Variants in FAM118A observed in about 807,000 individuals in gnomAD.
FAM118A encodes the protein protein FAM118A.
In FAM118A, 25 loss-of-function variants were observed where a neutral mutation model predicts 38.2. The observed-to-expected ratio is 0.65, with a 90% confidence interval of 0.48 to 0.91. The LOEUF is 0.91. FAM118A is among the 40% of genes least tolerant of loss of function. FAM118A has a pLI of 0.00. For missense variants in FAM118A, 425 were observed against 463.3 expected, an observed-to-expected ratio of 0.92 and a Z score of 0.76; for synonymous variants, 178 against 184.1, an observed-to-expected ratio of 0.97 and a Z score of 0.27.
rs530617031 is a variant in FAM118A, at chr22:45,339,729, C to T, written c.1055-657C>T. ...CGGGCGATTATTCTCAATAGATTGGCTTTCTTCTGCTGTTGCTGCTGTTGT... is the reference window on the plus strand; with the variant it reads ...CGGGCGATTATTCTCAATAGATTGGTTTTCTTCTGCTGTTGCTGCTGTTGT... On this transcript the variant is annotated intron_variant, in intron 8 of 8. Transcript: ENST00000441876. Among the ~76,000 whole-genome samples the T allele has an allele frequency of 2.0e-5, 3 of 152,318 alleles. No homozygotes were observed. In the South Asian group the frequency reaches 6.2e-4, roughly 32 times the overall value.
rs1602000203 is a variant in FAM118A at position 45,336,515 on chromosome 22, G to A, written c.1054+104G>A. The A allele has an allele frequency of 9.7e-6, 8 of 826,398 alleles. No homozygotes were observed. The East Asian group carries it at 2.1e-4, about 22-fold the overall frequency. The allele number at this position is 826,398 out of a possible 1,614,324, so 51.2% of individuals were successfully genotyped here. On this transcript the variant is annotated intron_variant, in intron 8 of 8. Coordinates refer to ENST00000441876, the MANE Select transcript of FAM118A (RefSeq NM_017911.4). Reference sequence around the variant, plus strand: ...TTTAATGCCCCGCGCCCTATGGTGGGAGGACGGTGCATACGTTCTGTCAGG... The same window carrying A: ...TTTAATGCCCCGCGCCCTATGGTGGAAGGACGGTGCATACGTTCTGTCAGG...
chr22:45,340,635 A>G lies in FAM118A; in HGVS notation c.*230A>G, dbSNP rs1036594305. On this transcript the variant is annotated 3_prime_UTR_variant, in exon 9 of 9. Coordinates refer to ENST00000441876, the MANE Select transcript of FAM118A (RefSeq NM_017911.4). ...CACATTTCAGGTGGACTTTGCAAGG[A>G]CTGATGGATAGCTACCTCAGGGACC... The G allele has an allele frequency of 1.7e-6, 1 of 571,840 alleles. No individual in the cohort carries two copies. The highest frequency in any genetic ancestry group is 3.1e-6 in the Non-Finnish European group (1 of 321,426). 35.4% of individuals were successfully genotyped at this position (571,840 alleles called of 1,614,324 possible). A position where few individuals can be genotyped will look rare whatever the true frequency, so the allele number is the denominator to read the frequency against.
chr22:45,330,624 C>T lies in FAM118A; in HGVS notation c.544C>T (p.His182Tyr), dbSNP rs1163311739. 4.4e-6 allele frequency: 7 copies of T among 1,585,340 alleles called. No homozygotes were observed. The highest frequency in any genetic ancestry group is 1.9e-5 in the Admixed American group (1 of 52,826). The stretch of plus-strand genomic sequence containing the variant: ...GTAGGTCCTTGAATGGGCAAGAGGG[C>T]ACATGAAGTACGGCGTCCTCCACAT... ...KTKVLEWARG[H>Y]MKYGVLHIHG... Residue 182 changes from histidine (H) to tyrosine (Y), a missense_variant, in exon 5 of 9, where the codon CAC becomes TAC. Transcript: ENST00000441876.
intron 3 of FAM118A, among the ~76,000 whole-genome samples, chr22:45,325,271 G>T (rs1206267059): frequency 6.6e-6 from 1 of 152,168 alleles, no homozygotes; most frequent in African/African-American, 2.4e-5. Flanking sequence ...TCACTTTTGC[G>T]TGTTTTTGAA....
chr22:45,330,800 G>T, intron 5 of FAM118A, 69 bp downstream of exon 5: 1 of 1,424,744 alleles, frequency 7.0e-7, no homozygotes. Flanking sequence ...GCCATTGGCT[G>T]CAGTTGAGTG....
intron 7 of FAM118A, 113 bp downstream of exon 7, chr22:45,335,495 G>A (rs11912640): frequency 0.016 from 19,258 of 1,227,334 alleles, 544 homozygotes; most frequent in African/African-American, 0.1. Context: ...TAATTAGCTT[G>A]TATTAAAACA....
intron 1 of FAM118A, among the ~76,000 whole-genome samples, chr22:45,311,187 A>G (rs1213239712): frequency 6.6e-6 from 1 of 152,154 alleles, no homozygotes; most frequent in African/African-American, 2.4e-5. Context: ...GTTGAGCTAG[A>G]GGAGAAGTTT....
At chr22:45,322,231 A>G (rs200139779) in intron 1 of FAM118A, 140 bp from the exon 2 acceptor site, 1 of 1,545,196 alleles carries the variant, frequency 6.5e-7, no homozygotes, top group Non-Finnish European at 8.7e-7. Flanking sequence ...TCATTTGCGT[A>G]TGACATTTTT....
chr22:45,336,032 A>G (rs8138606), intron 7 of FAM118A, among the ~76,000 whole-genome samples: 8,135 of 152,276 alleles, frequency 0.053, 781 homozygotes, highest in African/African-American at 0.19. Context: ...TCGATGTGGG[A>G]GCTGCTCGCC....
intron 8 of FAM118A, chr22:45,337,823 T>C: frequency 3.0e-6 from 3 of 985,304 alleles, no homozygotes; most frequent in South Asian, 4.7e-5. Context: ...CTGAGGGCCA[T>C]GTGTCTGCAG....
At chr22:45,315,532 A>G (rs1418386114) in intron 1 of FAM118A, among the ~76,000 whole-genome samples, 1 of 152,204 alleles carries the variant, frequency 6.6e-6, no homozygotes, top group Non-Finnish European at 1.5e-5. Context: ...TGCCTTTCAG[A>G]TACGCGTCTC....
chr22:45,315,296 G>GAAT (rs2084556269), intron 1 of FAM118A, among the ~76,000 whole-genome samples: 1 of 152,138 alleles, frequency 6.6e-6, no homozygotes, highest in African/African-American at 2.4e-5. Flanking sequence ...AAGTTCAACA[G>GAAT]AATAAAAAGT....
In FAM118A at chr22:45,335,397, T is replaced by G; in HGVS notation, c.970+15T>G. 1 of 1,614,162 alleles carries G rather than the reference T, an allele frequency of 6.2e-7. No homozygotes were observed. The highest frequency in any genetic ancestry group is 1.1e-5 in the South Asian group (1 of 91,084). On this transcript the variant is annotated intron_variant, in intron 7 of 8. Coordinates refer to ENST00000441876, the MANE Select transcript of FAM118A (RefSeq NM_017911.4). Reference sequence around the variant, plus strand: ...CACATTATTGGGTAAAGCAGATCTTTCTTCTTGCCAGCCTGTTTTTTGCCT... The same window carrying G: ...CACATTATTGGGTAAAGCAGATCTTGCTTCTTGCCAGCCTGTTTTTTGCCT...
intron 1 of FAM118A, among the ~76,000 whole-genome samples, chr22:45,319,310 C>T (rs764095582): frequency 1.3e-5 from 2 of 151,862 alleles, no homozygotes; most frequent in Non-Finnish European, 2.9e-5. Context: ...TTCTCATAGA[C>T]AGGGAGGAGT....
chr22:45,327,455 C>T (rs556301840), intron 3 of FAM118A, among the ~76,000 whole-genome samples: 13 of 152,254 alleles, frequency 8.5e-5, no homozygotes, highest in African/African-American at 3.1e-4. Context: ...CTCTTGCTGA[C>T]CTGGGACGTA....
intron 5 of FAM118A, 133 bp downstream of exon 5, chr22:45,330,864 CTG>C: frequency 9.9e-7 from 1 of 1,013,066 alleles, no homozygotes; most frequent in South Asian, 3.5e-5. Flanking sequence ...CACACAGTTG[CTG>C]AGGGAGGGGC....
At chr22:45,336,464 A>G (rs1472275876) in intron 8 of FAM118A, 53 bp downstream of exon 8, 5 of 1,389,990 alleles carry the variant, frequency 3.6e-6, no homozygotes, top group Non-Finnish European at 5.1e-6. Flanking sequence ...TCTTGTTGGC[A>G]GGCATCTTCA....
intron 6 of FAM118A, 111 bp from the exon 7 acceptor site, chr22:45,335,239 C>T (rs1425848321): frequency 7.8e-7 from 1 of 1,279,590 alleles, no homozygotes; most frequent in Non-Finnish European, 1.1e-6. Flanking sequence ...GGCTGACCTG[C>T]CCAGAAGCCT....
At chr22:45,336,796 A>C (rs1487900229) in intron 8 of FAM118A, among the ~76,000 whole-genome samples, 3 of 152,236 alleles carry the variant, frequency 2.0e-5, no homozygotes, top group African/African-American at 7.2e-5. Flanking sequence ...GCAGTTGAGG[A>C]AGCAGCATTG....
Sources: allele counts gnomAD v4.1 joint callset (sites outside exome capture counted in the v4.1 genomes callset), GRCh38; gene constraint gnomAD v4.1.1; transcripts MANE v1.5; gene names NCBI Gene and HGNC (gene_info 2026-07-23, HGNC 2026-07-21).